FNDC3B: variants seen among roughly 807,000 people sequenced by gnomAD.
The protein encoded by FNDC3B is fibronectin type III domain containing 3B.
FNDC3B carries 12 observed loss-of-function variants against 151.5 expected under a neutral mutation model. That is an observed-to-expected ratio of 0.08 (90% CI 0.05 to 0.13). The LOEUF (loss-of-function observed/expected upper bound fraction) is 0.13. Ranked by LOEUF, FNDC3B falls within the 10% of genes least tolerant of loss-of-function variation. The probability of loss-of-function intolerance (pLI) is 1.00; values close to 1 mark genes in which losing one functional copy is unlikely to be tolerated. For synonymous variants in FNDC3B, 528 were observed against 549.0 expected (o/e 0.96, Z 0.54); for missense variants, 1,214 against 1,505.3 (o/e 0.81, Z 3.20).
At chr3:172,209,282 G>A (rs1253057246) in intron 3 of FNDC3B, among the ~76,000 whole-genome samples, 2 of 152,176 alleles carry the variant, frequency 1.3e-5, no homozygotes, top group African/African-American at 2.4e-5. Context: ...TAGTGTTACA[G>A]CCCCTTTAGC....
intron 1 of FNDC3B, among the ~76,000 whole-genome samples, chr3:172,041,121 G>C (rs765072507): frequency 2.6e-5 from 4 of 151,954 alleles, no homozygotes; most frequent in African/African-American, 7.3e-5. Flanking sequence ...GCCAACGCTG[G>C]GGCCAAAAAT....
rs183440269 is a variant in FNDC3B, at chr3:172,110,190, A to G, written c.-28-2262A>G. 2.0e-3 allele frequency among the ~76,000 whole-genome samples: 301 copies of G among 152,292 alleles called. 1 individual carries two copies. The highest frequency in any genetic ancestry group is 3.5e-3 in the Non-Finnish European group (241 of 68,022). On this transcript the variant is annotated intron_variant, in intron 1 of 25. Coordinates refer to ENST00000415807, the MANE Select transcript of FNDC3B (RefSeq NM_022763.4). ...GTGTTCAGACATTCTTCGGTACTAG[A>G]GACAGGAGACCAGGAATGCCTAAAT... is the stretch of plus-strand genomic sequence containing the variant.
chr3:172,227,894 G>T (rs968595179), intron 4 of FNDC3B, among the ~76,000 whole-genome samples: 2 of 152,138 alleles, frequency 1.3e-5, no homozygotes, highest in African/African-American at 2.4e-5. Context: ...AGTTTTTAAT[G>T]ATTCTGCTAG....
chr3:172,244,651 G>A lies in FNDC3B; in HGVS notation c.265-2882G>A, dbSNP rs530051999. On this transcript the variant is annotated intron_variant, in intron 4 of 25. Transcript: ENST00000415807. Reference sequence around the variant, plus strand: ...TTTTTTTTTTTTTTTTTGAGTCGGCGTCTCCGTCTGTCACCCAGGCTGGAG... The same window carrying A: ...TTTTTTTTTTTTTTTTTGAGTCGGCATCTCCGTCTGTCACCCAGGCTGGAG... 1.9e-4 allele frequency among the ~76,000 whole-genome samples: 21 copies of A among 107,924 alleles called. No individual in the cohort carries two copies. The East Asian group carries it at 4.3e-3, about 22-fold the overall frequency. The allele number at this position is 107,924 out of a possible 152,430, so 70.8% of individuals were successfully genotyped here.
chr3:172,185,899 T>G (rs1461179474), intron 3 of FNDC3B, among the ~76,000 whole-genome samples: 1 of 152,260 alleles, frequency 6.6e-6, no homozygotes, highest in African/African-American at 2.4e-5. Flanking sequence ...TTTCACCAAA[T>G]GGCTAGCTCT....
chr3:172,235,058 A>G (rs558339584), intron 4 of FNDC3B, among the ~76,000 whole-genome samples: 1 of 152,268 alleles, frequency 6.6e-6, no homozygotes, highest in East Asian at 1.9e-4. Flanking sequence ...GGAAAATATA[A>G]AATTCATAGG....
intron 17 of FNDC3B, among the ~76,000 whole-genome samples, chr3:172,342,515 A>G (rs1333407102): frequency 6.6e-6 from 1 of 152,220 alleles, no homozygotes; most frequent in Admixed American, 6.5e-5. Context: ...GATCCTGCAA[A>G]ATAAAGGACT....
chr3:172,105,645 G>A (rs1484996112), intron 1 of FNDC3B, among the ~76,000 whole-genome samples: 1 of 148,448 alleles, frequency 6.7e-6, no homozygotes, highest in African/African-American at 2.5e-5. Flanking sequence ...AAAAGATGGG[G>A]TTTCGCCATG....
chr3:172,053,719 C>T (rs1716781167), intron 1 of FNDC3B, among the ~76,000 whole-genome samples: 1 of 150,788 alleles, frequency 6.6e-6, no homozygotes, highest in Admixed American at 6.6e-5. Context: ...TTGTAGTGAG[C>T]CGAGACTGCG....
intron 11 of FNDC3B, among the ~76,000 whole-genome samples, chr3:172,319,102 A>T (rs1478047499): frequency 6.6e-6 from 1 of 152,130 alleles, no homozygotes; most frequent in Non-Finnish European, 1.5e-5. Context: ...AGCAAACTTG[A>T]TGTGGAGCTT....
intron 9 of FNDC3B, among the ~76,000 whole-genome samples, chr3:172,303,800 T>C (rs1018137289): frequency 5.3e-5 from 8 of 152,198 alleles, no homozygotes; most frequent in Admixed American, 3.9e-4. Context: ...ATAAAAGTTA[T>C]TGGTAAAAAT....
At chr3:172,309,437 A>T (rs934161806) in intron 10 of FNDC3B, among the ~76,000 whole-genome samples, 1 of 144,216 alleles carries the variant, frequency 6.9e-6, no homozygotes, top group African/African-American at 2.9e-5. Context: ...CTACCAAAGA[A>T]CAGTTTTTTT....
At chr3:172,305,044 T>C (rs980555144) in intron 9 of FNDC3B, among the ~76,000 whole-genome samples, 8 of 152,176 alleles carry the variant, frequency 5.3e-5, no homozygotes, top group Non-Finnish European at 8.8e-5. Flanking sequence ...TTAGATATAG[T>C]CAGAAGTAGA....
intron 11 of FNDC3B, among the ~76,000 whole-genome samples, chr3:172,320,750 G>C (rs1232448055): frequency 6.6e-6 from 1 of 152,170 alleles, no homozygotes; most frequent in African/African-American, 2.4e-5. Context: ...ACTGTAGCCT[G>C]AATTAATTGG....
At chr3:172,090,201 T>C (rs1415721503) in intron 1 of FNDC3B, among the ~76,000 whole-genome samples, 2 of 152,222 alleles carry the variant, frequency 1.3e-5, no homozygotes, top group Non-Finnish European at 2.9e-5. Context: ...CTACTGTTGT[T>C]ACTGAGAAAA....
chr3:172,311,061 T>A, intron 11 of FNDC3B, 180 bp downstream of exon 11: 1 of 583,654 alleles, frequency 1.7e-6, no homozygotes, highest in Non-Finnish European at 3.1e-6. Flanking sequence ...AGTAGTATTA[T>A]GAGTTGTGTA....
intron 2 of FNDC3B, among the ~76,000 whole-genome samples, chr3:172,125,260 T>C (rs556651611): frequency 6.6e-6 from 1 of 152,322 alleles, no homozygotes; most frequent in East Asian, 1.9e-4. Flanking sequence ...GCAGTGGTAG[T>C]GTCGGAAGGC....
intron 1 of FNDC3B, among the ~76,000 whole-genome samples, chr3:172,068,880 AT>A (rs1717637369): frequency 6.6e-6 from 1 of 152,114 alleles, no homozygotes; most frequent in East Asian, 1.9e-4. Context: ...TAGGTGCTTT[AT>A]TTTATTATTT....
chr3:172,171,503 A>C (rs1723280465), intron 3 of FNDC3B, among the ~76,000 whole-genome samples: 2 of 152,158 alleles, frequency 1.3e-5, no homozygotes, highest in African/African-American at 4.8e-5. Flanking sequence ...ACTGGCATGA[A>C]CAGGGAACAC....
Sources: gnomAD v4.1 joint callset for allele counts (sites outside exome capture counted in the v4.1 genomes callset) on GRCh38, gnomAD v4.1.1 for gene constraint, MANE v1.5 for transcripts, NCBI Gene and HGNC (gene_info 2026-07-23, HGNC 2026-07-21) for gene names.